Variants in USP5 observed in about 807,000 individuals in gnomAD.
The protein encoded by USP5 is ubiquitin carboxyl-terminal hydrolase 5.
Under a neutral mutation model 102.5 loss-of-function variants are expected in USP5, and 24 were observed. The observed-to-expected ratio is 0.23, with a 90% CI of 0.17 to 0.33. The LOEUF (loss-of-function observed/expected upper bound fraction) is 0.33. Ranked by LOEUF, USP5 falls within the 10% of genes least tolerant of loss-of-function variation. The pLI is 1.00. For missense variants in USP5, 753 were observed against 1,122.1 expected (o/e 0.67, Z 4.70); for synonymous variants, 460 against 434.8 (o/e 1.06, Z -0.72).
At chr12:6,865,333 G>A (rs1198197069) in intron 19 of USP5, 85 bp downstream of exon 19, 2 of 1,300,962 alleles carry the variant, frequency 1.5e-6, no homozygotes, top group Admixed American at 3.5e-5. Flanking sequence ...ATAGCTATGG[G>A]AGAAGGTGAA....
Position 6,863,411 on chromosome 12 carries a change from C to T in USP5, c.1954+34C>T, listed in dbSNP as rs139290006. The T allele has an allele frequency of 2.1e-5, 33 of 1,596,556 alleles. No individual in the cohort carries two copies. In the East Asian group the frequency reaches 2.9e-4, roughly 14 times the overall value. ...CTCTTCTTCCTGCCTGTCTCTCTCC[C>T]GTGCTGATGGGGGCCTCTCTGCCTT... On this transcript the variant is annotated intron_variant, in intron 15 of 19. Transcript: ENST00000229268. The surrounding 1 kb of genome is among the most constrained non-coding windows in gnomAD (Gnocchi z 4.7).
At chr12:6,859,710 T>A (rs1430468758) in intron 9 of USP5, among the ~76,000 whole-genome samples, 169 bp downstream of exon 9, 4 of 152,330 alleles carry the variant, frequency 2.6e-5, no homozygotes, top group African/African-American at 9.6e-5. Context: ...TGGAGTGCAG[T>A]GGCGCGATCT....
Position 6,866,328 on chromosome 12 carries a change from C to T in USP5, c.*251C>T, listed in dbSNP as rs1944444902. The T allele has an allele frequency of 2.1e-6, 1 of 484,342 alleles. No individual in the cohort carries two copies. Among genetic ancestry groups the T allele is most frequent in the African/African-American group, 1.9e-5 (1 of 51,954 alleles). The allele number at this position is 484,342 out of a possible 1,614,324, so 30.0% of individuals were successfully genotyped here. On this transcript the variant is annotated 3_prime_UTR_variant, in exon 20 of 20. Coordinates refer to ENST00000229268, the MANE Select transcript of USP5 (RefSeq NM_001098536.2). The surrounding 1 kb of genome is among the most constrained non-coding windows in gnomAD (Gnocchi z 4.7). ...TCTGTAAGGAGACTTTGTTGCTTCC[C>T]CTGCCCCCGGAATCCACAGTGCTCT...
rs782078808 is a variant in USP5, at chr12:6,860,327, A to C, written c.1219-39A>C. The C allele has an allele frequency of 1.9e-6, 3 of 1,613,846 alleles. No individual in the cohort carries two copies. The highest frequency in any genetic ancestry group is 2.5e-6 in the Non-Finnish European group (3 of 1,179,910). ...GTCTAAAGAAGGCCCCTGGATGGCC[A>C]CTGAGCCCCAGCTGAGTCCCTGCCC... On this transcript the variant is annotated intron_variant, in intron 10 of 19. Coordinates refer to ENST00000229268, the MANE Select transcript of USP5 (RefSeq NM_001098536.2). This position sits in a 1 kb window ranked among gnomAD's most constrained non-coding sequence, Gnocchi z 5.5.
chr12:6,860,404 C>T lies in USP5; in HGVS notation c.1257C>T (p.Ala419=). 6.2e-7 allele frequency: 1 copy of T among 1,614,152 alleles called. No individual in the cohort carries two copies. The highest frequency in any genetic ancestry group is 8.5e-7 in the Non-Finnish European group (1 of 1,180,020). The change falls in exon 11 of 20, where the codon GCC becomes GCT. Residue 419 remains alanine (A), a synonymous_variant. Transcript: ENST00000229268. The surrounding 1 kb of genome is among the most constrained non-coding windows in gnomAD (Gnocchi z 5.5). ...GCATTGCCCCTCGGATGTTCAAGGCCCTCATCGGCAAGGGCCACCCTGAAT... is the reference window on the plus strand; with the variant it reads ...GCATTGCCCCTCGGATGTTCAAGGCTCTCATCGGCAAGGGCCACCCTGAAT... ...QDGIAPRMFK[A]LIGKGHPEFS... is the part of the protein sequence containing the mutation.
At chr12:6,859,335 A>C in intron 8 of USP5, 135 bp from the exon 9 acceptor site, 1 of 803,992 alleles carries the variant, frequency 1.2e-6, no homozygotes, top group Admixed American at 2.1e-5. Flanking sequence ...GAGAGAAGCG[A>C]CTCCAAGGTT....
At position 6,858,797 on chromosome 12, in the gene USP5, T is replaced by C; in HGVS notation, c.1058+180T>C. 2 of 540,132 alleles carry C rather than the reference T, an allele frequency of 3.7e-6. No homozygotes were observed. Among genetic ancestry groups the C allele is most frequent in the Non-Finnish European group, 6.4e-6 (2 of 311,996 alleles). The allele number at this position is 540,132 out of a possible 1,614,324, so 33.5% of individuals were successfully genotyped here. ...ACTTCGGGAGGCCAAGATGGGAGAATTGCTTGAGCCCAGGAGGTTGAGACC... is the reference window on the plus strand; with the variant it reads ...ACTTCGGGAGGCCAAGATGGGAGAACTGCTTGAGCCCAGGAGGTTGAGACC... On this transcript the variant is annotated intron_variant, in intron 8 of 19. Transcript: ENST00000229268. The surrounding 1 kb of genome is among the most constrained non-coding windows in gnomAD (Gnocchi z 4.2).
chr12:6,865,253 G>A lies in USP5; in HGVS notation c.2483+5G>A, dbSNP rs1397675985. ...CCACATCAAGAAAGAAGGCAGGTGA[G>A]TGCTGGCCACATGCGTTTTGAATGG... On this transcript the variant is annotated splice_donor_5th_base_variant and intron_variant, in intron 19 of 19. Coordinates refer to ENST00000229268, the MANE Select transcript of USP5 (RefSeq NM_001098536.2). 2.5e-6 allele frequency: 4 copies of A among 1,612,636 alleles called. No homozygotes were observed. The highest frequency in any genetic ancestry group is 3.4e-6 in the Non-Finnish European group (4 of 1,178,830).
Position 6,855,667 on chromosome 12 carries a change from A to T in USP5, c.238-88A>T. On this transcript the variant is annotated intron_variant, in intron 2 of 19. Coordinates refer to ENST00000229268, the MANE Select transcript of USP5 (RefSeq NM_001098536.2). The surrounding 1 kb of genome is among the most constrained non-coding windows in gnomAD (Gnocchi z 4.6). ...TTTTTTAGCTTTATTCCGTTCTGAG[A>T]TGAAGCACTACCTCCTTCCGTCCCT... 6.3e-7 allele frequency: 1 copy of T among 1,598,696 alleles called. No individual in the cohort carries two copies. Among genetic ancestry groups the T allele is most frequent in the Non-Finnish European group, 8.5e-7 (1 of 1,170,038 alleles).
chr12:6,856,870 A>C lies in USP5; in HGVS notation c.748A>C (p.Thr250Pro). The change falls in exon 6 of 20, where the codon ACC (threonine) becomes CCC (proline). Residue 250 changes from threonine to proline, a missense_variant. Transcript: ENST00000229268. This position sits in a 1 kb window ranked among gnomAD's most constrained non-coding sequence, Gnocchi z 5.6. ...TGYPLAVKLG[T>P]ITPDGADVYS... ...CTACCCGTTAGCTGTCAAGCTGGGC[A>C]CCATCACCCCTGATGGAGCTGGTAC... 6.2e-7 allele frequency: 1 copy of C among 1,614,022 alleles called. No individual in the cohort carries two copies. Among genetic ancestry groups the C allele is most frequent in the Non-Finnish European group, 8.5e-7 (1 of 1,179,954 alleles).
Position 6,856,313 on chromosome 12 carries a change from T to C in USP5, c.447T>C (p.Ser149=). ...CCCTCTGCTTCCCCCAGGTGACCAGTGCAGTGGAGGCCCTACTGTCGGCCG... is the reference window on the plus strand; with the variant it reads ...CCCTCTGCTTCCCCCAGGTGACCAGCGCAGTGGAGGCCCTACTGTCGGCCG... ...LPDIVRDRVT[S]AVEALLSADS... is the part of the protein sequence containing the mutation. The change falls in exon 5 of 20, where the codon AGT becomes AGC. Residue 149 remains serine, a synonymous_variant. Transcript: ENST00000229268. The surrounding 1 kb of genome is among the most constrained non-coding windows in gnomAD (Gnocchi z 5.6). 1 of 1,612,970 alleles carries C rather than the reference T, an allele frequency of 6.2e-7. No individual in the cohort carries two copies. The highest frequency in any genetic ancestry group is 1.3e-5 in the African/African-American group (1 of 74,970).
chr12:6,862,659 G>A, intron 14 of USP5, 101 bp downstream of exon 14: 16 of 1,117,666 alleles, frequency 1.4e-5, no homozygotes, highest in Admixed American at 7.0e-5. Context: ...CTCTGAAAGA[G>A]GAAAAAAAAT....
rs1555129450 is a variant in USP5 at position 6,861,086 on chromosome 12, T to C, written c.1478T>C (p.Met493Thr). ...TACATCATGCAGCTGCCTGTGCCCATGGATGCAGCCCTTAACAAAGGTAGG... is the reference window on the plus strand; with the variant it reads ...TACATCATGCAGCTGCCTGTGCCCACGGATGCAGCCCTTAACAAAGGTAGG... ...VDYIMQLPVP[M>T]DAALNKEELL... The change falls in exon 12 of 20, where the codon ATG becomes ACG. Residue 493 changes from methionine to threonine, a missense_variant. Met to Thr is a moderately conservative substitution (Grantham distance 81, BLOSUM62 -1). Transcript: ENST00000229268. This position sits in a 1 kb window ranked among gnomAD's most constrained non-coding sequence, Gnocchi z 4.9. 1 of 1,614,214 alleles carries C rather than the reference T, an allele frequency of 6.2e-7. No homozygotes were observed. Among genetic ancestry groups the C allele is most frequent in the Non-Finnish European group, 8.5e-7 (1 of 1,180,040 alleles).
In USP5 at chr12:6,858,338, G is replaced by T. The variant is rs1944179135; in HGVS notation, c.865-86G>T. The T allele has an allele frequency of 1.4e-6, 2 of 1,404,384 alleles. No individual in the cohort carries two copies. Among genetic ancestry groups the T allele is most frequent in the Admixed American group, 1.9e-5 (1 of 53,088 alleles). The allele number at this position is 1,404,384 out of a possible 1,614,324, so 87.0% of individuals were successfully genotyped here. A position where few individuals can be genotyped will look rare whatever the true frequency, so the allele number is the denominator to read the frequency against. On this transcript the variant is annotated intron_variant, in intron 7 of 19. Coordinates refer to ENST00000229268, the MANE Select transcript of USP5 (RefSeq NM_001098536.2). This position sits in a 1 kb window ranked among gnomAD's most constrained non-coding sequence, Gnocchi z 4.2. ...TCCACAAATTCTAGGCCACAGTTGA[G>T]TATCATCCTAGACTCAGTGAGAGAT...
In USP5 at chr12:6,861,982, G is replaced by C. The variant is rs1156736391; in HGVS notation, c.1673+365G>C. Among the ~76,000 whole-genome samples the C allele has an allele frequency of 1.3e-5, 2 of 151,986 alleles. No homozygotes were observed. The highest frequency in any genetic ancestry group is 2.9e-5 in the Non-Finnish European group (2 of 68,010). On this transcript the variant is annotated intron_variant, in intron 13 of 19. Coordinates refer to ENST00000229268, the MANE Select transcript of USP5 (RefSeq NM_001098536.2). This position sits in a 1 kb window ranked among gnomAD's most constrained non-coding sequence, Gnocchi z 4.9. ...CTTTGAGCCTAGCCATTGGCACCTG[G>C]CATGGGTGTGAGACCTGAAAAAGGG...
chr12:6,859,891 G>A (rs1184832663), intron 9 of USP5, among the ~76,000 whole-genome samples: 2 of 152,068 alleles, frequency 1.3e-5, no homozygotes, highest in African/African-American at 2.4e-5. Flanking sequence ...TCCTGACCTC[G>A]TGGTCTGCCC....
chr12:6,857,620 CT>C lies in USP5; in HGVS notation c.770-8del. 1 of 1,612,238 alleles carries C rather than the reference CT, an allele frequency of 6.2e-7. No individual in the cohort carries two copies. The highest frequency in any genetic ancestry group is 8.5e-7 in the Non-Finnish European group (1 of 1,179,106). ...CTTCCCCTGATTCTCTTCCTGCCTCCTGCTCTAGACGTGTACTCATATGATG... is the reference window on the plus strand; with the variant it reads ...CTTCCCCTGATTCTCTTCCTGCCTCCGCTCTAGACGTGTACTCATATGATG... On this transcript the variant is annotated splice_polypyrimidine_tract_variant and splice_region_variant and intron_variant, in intron 6 of 19. Coordinates refer to ENST00000229268, the MANE Select transcript of USP5 (RefSeq NM_001098536.2).
chr12:6,859,522 C>G lies in USP5; in HGVS notation c.1111C>G (p.Gln371Glu). The G allele has an allele frequency of 6.2e-7, 1 of 1,614,202 alleles. No homozygotes were observed. Among genetic ancestry groups the G allele is most frequent in the Non-Finnish European group, 8.5e-7 (1 of 1,180,040 alleles). The stretch of plus-strand genomic sequence containing the variant: ...CCAGAATGCCCCGACGGACCCTACC[C>G]AGGATTTCAGCACCCAGGTGTATGT... ...IFQNAPTDPT[Q>E]DFSTQVAKLG... The change falls in exon 9 of 20, where the codon CAG becomes GAG. Residue 371 changes from glutamine (Q) to glutamate (E), a missense_variant. By Grantham distance (29) the Gln-to-Glu change is conservative. Transcript: ENST00000229268.
In USP5 at chr12:6,858,540, C is replaced by T; in HGVS notation, c.981C>T (p.Gly327=). Residue 327 remains glycine (G), a synonymous_variant, in exon 8 of 20, where the codon GGC becomes GGT. Transcript: ENST00000229268. This position sits in a 1 kb window ranked among gnomAD's most constrained non-coding sequence, Gnocchi z 4.2. The part of the protein sequence containing the change: ...LKPLFGPGYT[G]IRNLGNSCYL... ...CCCTGTTTGGGCCTGGCTACACAGGCATCCGGAACCTGGGTAACAGCTGCT... is the reference window on the plus strand; with the variant it reads ...CCCTGTTTGGGCCTGGCTACACAGGTATCCGGAACCTGGGTAACAGCTGCT... 1 of 1,613,922 alleles carries T rather than the reference C, an allele frequency of 6.2e-7. No homozygotes were observed. The highest frequency in any genetic ancestry group is 8.5e-7 in the Non-Finnish European group (1 of 1,179,774).
Sources: allele counts gnomAD v4.1 joint callset (sites outside exome capture counted in the v4.1 genomes callset), GRCh38; gene constraint gnomAD v4.1.1; non-coding constraint Gnocchi (gnomAD v3.1); transcripts MANE v1.5; gene names NCBI Gene and HGNC (gene_info 2026-07-23, HGNC 2026-07-21).